Variants in KCNIP4 observed in about 807,000 individuals in gnomAD.
The protein encoded by KCNIP4 is Kv channel-interacting protein 4.
KCNIP4 carries 12 observed loss-of-function variants against 34.0 expected under a neutral mutation model. The ratio of observed to expected loss-of-function variants is 0.35; its 90% CI spans 0.23 to 0.57. KCNIP4 has a LOEUF of 0.57. Among genes scored for constraint, KCNIP4 ranks in the 20% least tolerant of loss-of-function variants. KCNIP4 has a pLI of 0.83. For synonymous variants in KCNIP4, 124 were observed against 102.2 expected (o/e 1.21, Z -1.29); for missense variants, 238 against 311.7 (o/e 0.76, Z 1.78).
chr4:20,792,537 T>TG (rs1303209784), intron 3 of KCNIP4, among the ~76,000 whole-genome samples: 1 of 152,036 alleles, frequency 6.6e-6, no homozygotes, highest in African/African-American at 2.4e-5. Flanking sequence ...GCTAATTATA[T>TG]GCTACCAACC....
intron 3 of KCNIP4, among the ~76,000 whole-genome samples, chr4:20,804,471 T>C (rs1714803370): frequency 1.3e-5 from 2 of 152,236 alleles, no homozygotes; most frequent in African/African-American, 4.8e-5. Flanking sequence ...TTCTTTCATA[T>C]ATATATTCTA....
intron 1 of KCNIP4, among the ~76,000 whole-genome samples, chr4:20,919,000 G>A (rs1035967568): frequency 6.6e-6 from 1 of 152,114 alleles, no homozygotes; most frequent in Non-Finnish European, 1.5e-5. Context: ...AGGTATAAAG[G>A]CCCAATGGTA....
chr4:21,654,910 CGA>C (rs1747802345), intron 1 of KCNIP4, among the ~76,000 whole-genome samples: 1 of 151,180 alleles, frequency 6.6e-6, no homozygotes, highest in Non-Finnish European at 1.5e-5. Flanking sequence ...GGTGACAGAG[CGA>C]GACTCTGTCT....
chr4:21,912,586 C>T (rs977817542), intron 1 of KCNIP4, among the ~76,000 whole-genome samples: 3 of 151,896 alleles, frequency 2.0e-5, no homozygotes, highest in African/African-American at 4.8e-5. Context: ...AACAGTGAGG[C>T]GTCTATGAAG....
At chr4:21,211,767 C>T (rs999098587) in intron 1 of KCNIP4, among the ~76,000 whole-genome samples, 2 of 152,020 alleles carry the variant, frequency 1.3e-5, no homozygotes, top group African/African-American at 2.4e-5. Context: ...GTTAGGGACA[C>T]AATTATATCC....
At chr4:21,605,093 G>A (rs1430598438) in intron 1 of KCNIP4, among the ~76,000 whole-genome samples, 1 of 152,132 alleles carries the variant, frequency 6.6e-6, no homozygotes, top group Non-Finnish European at 1.5e-5. Context: ...ATGCAAGTGT[G>A]GTCCACGTTG....
chr4:21,521,885 T>C (rs1735557080), intron 1 of KCNIP4, among the ~76,000 whole-genome samples: 1 of 152,016 alleles, frequency 6.6e-6, no homozygotes, highest in African/African-American at 2.4e-5. Context: ...ATGTGTGAAT[T>C]GTACAAAAGC....
At chr4:20,892,737 A>C (rs748552032) in intron 1 of KCNIP4, among the ~76,000 whole-genome samples, 4 of 152,224 alleles carry the variant, frequency 2.6e-5, no homozygotes, top group Non-Finnish European at 4.4e-5. Flanking sequence ...GATGGTCAAA[A>C]GCTGTAATGC....
intron 1 of KCNIP4, among the ~76,000 whole-genome samples, chr4:21,352,528 C>A (rs180880658): frequency 1.3e-5 from 2 of 152,218 alleles, no homozygotes; most frequent in African/African-American, 4.8e-5. Flanking sequence ...TCACTGCTAG[C>A]GCAGCAGTCT....
chr4:20,938,523 G>T (rs1459537752), intron 1 of KCNIP4, among the ~76,000 whole-genome samples: 1 of 152,084 alleles, frequency 6.6e-6, no homozygotes, highest in Non-Finnish European at 1.5e-5. Flanking sequence ...TTTAAGAGCA[G>T]GTATTTCCAG....
intron 2 of KCNIP4, among the ~76,000 whole-genome samples, chr4:20,882,242 A>G (rs1228584189): frequency 2.0e-5 from 3 of 152,210 alleles, no homozygotes; most frequent in Non-Finnish European, 4.4e-5. Context: ...TTATAGACCC[A>G]GTGGATGAGA....
At chr4:21,078,511 G>T (rs1745713182) in intron 1 of KCNIP4, among the ~76,000 whole-genome samples, 1 of 151,882 alleles carries the variant, frequency 6.6e-6, no homozygotes, top group African/African-American at 2.4e-5. Context: ...TCTTATAAGA[G>T]CACTAATTCC....
At chr4:21,854,972 T>C (rs1012132972) in intron 1 of KCNIP4, among the ~76,000 whole-genome samples, 3 of 152,240 alleles carry the variant, frequency 2.0e-5, no homozygotes, top group Admixed American at 6.5e-5. Context: ...ATGAATACTA[T>C]TGAATGGAAA....
At chr4:21,445,801 C>T (rs576892363) in intron 1 of KCNIP4, among the ~76,000 whole-genome samples, 3 of 152,112 alleles carry the variant, frequency 2.0e-5, no homozygotes, top group Admixed American at 6.6e-5. Flanking sequence ...AGAGCTTCTG[C>T]ACAGCAAAAG....
At chr4:21,212,917 T>C (rs1757322054) in intron 1 of KCNIP4, among the ~76,000 whole-genome samples, 1 of 150,580 alleles carries the variant, frequency 6.6e-6, no homozygotes, top group Admixed American at 6.6e-5. Flanking sequence ...TAGATATGCA[T>C]ATAGCACATA....
intron 1 of KCNIP4, among the ~76,000 whole-genome samples, chr4:20,988,475 T>G (rs1736792090): frequency 6.6e-6 from 1 of 152,206 alleles, no homozygotes; most frequent in Non-Finnish European, 1.5e-5. Context: ...TTTTTCCTTG[T>G]TTTTTATAGC....
intron 1 of KCNIP4, among the ~76,000 whole-genome samples, chr4:21,778,152 A>G (rs1719303805): frequency 6.6e-6 from 1 of 150,942 alleles, no homozygotes; most frequent in Admixed American, 6.6e-5. Flanking sequence ...CATAACTCTT[A>G]TGATCAAAAG....
At chr4:21,054,827 T>C (rs1743266140) in intron 1 of KCNIP4, among the ~76,000 whole-genome samples, 2 of 151,032 alleles carry the variant, frequency 1.3e-5, no homozygotes, top group South Asian at 4.2e-4. Flanking sequence ...GGAGATAACA[T>C]AGAAGAAAAC....
intron 1 of KCNIP4, among the ~76,000 whole-genome samples, chr4:20,909,743 A>G (rs1188074261): frequency 6.6e-6 from 1 of 152,178 alleles, no homozygotes; most frequent in Non-Finnish European, 1.5e-5. Flanking sequence ...AGGTGATACA[A>G]TGAGACACTT....
Sources: gnomAD v4.1 joint callset for allele counts (sites outside exome capture counted in the v4.1 genomes callset) on GRCh38, gnomAD v4.1.1 for gene constraint, MANE v1.5 for transcripts, NCBI Gene and HGNC (gene_info 2026-07-23, HGNC 2026-07-21) for gene names.